The following PDE11A variants were observed in gnomAD, a reference collection of about 807,000 sequenced individuals.
PDE11A encodes the protein phosphodiesterase 11A, also known as dual 3',5'-cyclic-AMP and -GMP phosphodiesterase 11A.
In PDE11A, 100 loss-of-function variants were observed where a neutral mutation model predicts 100.5. That is an observed-to-expected ratio of 1.00 (90% CI 0.85 to 1.18). The LOEUF (loss-of-function observed/expected upper bound fraction) is 1.18, where lower values mean the gene tolerates loss of function less well. Ranked by LOEUF, PDE11A falls within the 50% of genes most tolerant of loss-of-function variation. The probability of loss-of-function intolerance (pLI) is 0.00; values close to 1 mark genes in which losing one functional copy is unlikely to be tolerated. For missense variants in PDE11A, 1,141 were observed against 1,152.6 expected (o/e 0.99, Z 0.15); for synonymous variants, 381 against 420.8 (o/e 0.91, Z 1.16).
intron 9 of PDE11A, among the ~76,000 whole-genome samples, chr2:177,774,625 C>T (rs1172813117): frequency 6.6e-6 from 1 of 152,176 alleles, no homozygotes; most frequent in African/African-American, 2.4e-5. Context: ...TCAGTGATGC[C>T]ATACACTCTC....
At chr2:177,780,902 G>A (rs531753614) in intron 9 of PDE11A, among the ~76,000 whole-genome samples, 35 of 152,276 alleles carry the variant, frequency 2.3e-4, no homozygotes, top group Middle Eastern at 6.8e-3. Context: ...CAGCAAAAAG[G>A]CTGTTTCACT....
intron 1 of PDE11A, among the ~76,000 whole-genome samples, chr2:178,032,161 T>C (rs1289872589): frequency 1.3e-5 from 2 of 151,930 alleles, no homozygotes; most frequent in East Asian, 3.9e-4. Context: ...TCCTACACCC[T>C]AACACAAAAA....
chr2:177,693,928 T>A (rs962335653), intron 15 of PDE11A, among the ~76,000 whole-genome samples: 1 of 152,236 alleles, frequency 6.6e-6, no homozygotes, highest in African/African-American at 2.4e-5. Flanking sequence ...CAGTTTGTAG[T>A]AGCTGCTTTC....
intron 10 of PDE11A, among the ~76,000 whole-genome samples, chr2:177,763,141 T>A (rs551720045): frequency 6.6e-6 from 1 of 152,300 alleles, no homozygotes; most frequent in African/African-American, 2.4e-5. Flanking sequence ...GCTCGGCTGC[T>A]GCTTGTGAGC....
At chr2:177,676,179 G>A (rs2080770237) in intron 16 of PDE11A, 1 of 161,214 alleles carries the variant, frequency 6.2e-6, no homozygotes, top group Admixed American at 5.7e-5. Flanking sequence ...AGTTTTGAGG[G>A]GCAGGGTTAA....
At chr2:177,860,265 G>A (rs941626344) in intron 5 of PDE11A, among the ~76,000 whole-genome samples, 8 of 150,542 alleles carry the variant, frequency 5.3e-5, no homozygotes, top group African/African-American at 1.5e-4. Flanking sequence ...GATAAGAAAC[G>A]AAAGAGGGGC....
At chr2:177,724,557 A>G (rs1312810079) in intron 12 of PDE11A, among the ~76,000 whole-genome samples, 3 of 152,096 alleles carry the variant, frequency 2.0e-5, no homozygotes, top group Non-Finnish European at 2.9e-5. Flanking sequence ...ATTCCCAGAG[A>G]CAATAGGCTT....
At chr2:177,719,499 C>A (rs542133923) in intron 12 of PDE11A, among the ~76,000 whole-genome samples, 1 of 152,250 alleles carries the variant, frequency 6.6e-6, no homozygotes, top group South Asian at 2.1e-4. Context: ...CTTCATCTTT[C>A]TCACTCTTTT....
At chr2:177,650,739 G>T (rs928412820) in intron 19 of PDE11A, among the ~76,000 whole-genome samples, 1 of 152,156 alleles carries the variant, frequency 6.6e-6, no homozygotes, top group Non-Finnish European at 1.5e-5. Context: ...AAAGTCCAAA[G>T]TCTAGGGTTC....
chr2:177,823,580 G>A (rs1390486558), intron 6 of PDE11A, among the ~76,000 whole-genome samples: 1 of 152,146 alleles, frequency 6.6e-6, no homozygotes, highest in Non-Finnish European at 1.5e-5. Context: ...TAACTGCCTT[G>A]AATGAGAGAG....
At chr2:177,943,575 G>A (rs2105774885) in intron 2 of PDE11A, among the ~76,000 whole-genome samples, 1 of 152,230 alleles carries the variant, frequency 6.6e-6, no homozygotes, top group South Asian at 2.1e-4. Context: ...TTTAAATCAT[G>A]TTAGTTTTTG....
At chr2:177,854,290 CATTTGA>C (rs2083789918) in intron 5 of PDE11A, among the ~76,000 whole-genome samples, 1 of 151,870 alleles carries the variant, frequency 6.6e-6, no homozygotes, top group Non-Finnish European at 1.5e-5. Flanking sequence ...GTAATGAGAG[CATTTGA>C]GTCTTCATAT....
chr2:178,019,352 C>T (rs1412414493), intron 1 of PDE11A, among the ~76,000 whole-genome samples: 1 of 152,134 alleles, frequency 6.6e-6, no homozygotes, highest in South Asian at 2.1e-4. Flanking sequence ...TAAATGAAAA[C>T]TTAATCTCTC....
At chr2:177,901,394 T>C (rs1329296679) in intron 3 of PDE11A, among the ~76,000 whole-genome samples, 2 of 152,238 alleles carry the variant, frequency 1.3e-5, no homozygotes, top group Non-Finnish European at 2.9e-5. Context: ...CCAGGGAGAC[T>C]GATTTGAGTA....
rs550842890 is a variant in PDE11A at position 178,032,562 on chromosome 2, G to C, written c.913-18102C>G. 8.5e-4 allele frequency among the ~76,000 whole-genome samples: 129 copies of C among 151,998 alleles called. 1 individual carries two copies. The highest frequency in any genetic ancestry group is 1.5e-3 in the Non-Finnish European group (103 of 67,998). On this transcript the variant is annotated intron_variant, in intron 1 of 19. Transcript: ENST00000286063. ...CACCAGCTCTGCTAAGGGACAGAAT[G>C]CCTCCTCAAGTGGGTCCCTGACCCC...
At chr2:177,940,656 A>G (rs2085335373) in intron 2 of PDE11A, among the ~76,000 whole-genome samples, 1 of 152,260 alleles carries the variant, frequency 6.6e-6, no homozygotes. Flanking sequence ...ATAGGAATCA[A>G]GAAATCACCC....
At chr2:178,050,304 A>G (rs2086807298) in intron 1 of PDE11A, among the ~76,000 whole-genome samples, 1 of 152,220 alleles carries the variant, frequency 6.6e-6, no homozygotes, top group African/African-American at 2.4e-5. Flanking sequence ...TGTTAGAAGG[A>G]AAACTAACAA....
intron 2 of PDE11A, among the ~76,000 whole-genome samples, chr2:177,919,339 C>T (rs1048143234): frequency 2.6e-5 from 4 of 151,974 alleles, no homozygotes; most frequent in Non-Finnish European, 4.4e-5. Flanking sequence ...CCTCGTGATC[C>T]GCCCACCTCG....
At chr2:177,760,796 G>A (rs1009731913) in intron 10 of PDE11A, among the ~76,000 whole-genome samples, 4 of 152,144 alleles carry the variant, frequency 2.6e-5, no homozygotes, top group East Asian at 3.9e-4. Context: ...AAACCCTTCA[G>A]CCAGACATTG....
Sources: allele counts gnomAD v4.1 joint callset (sites outside exome capture counted in the v4.1 genomes callset), GRCh38; gene constraint gnomAD v4.1.1; transcripts MANE v1.5; gene names NCBI Gene and HGNC (gene_info 2026-07-23, HGNC 2026-07-21).